GNA14: variants seen among roughly 807,000 people sequenced by gnomAD.
The protein encoded by GNA14 is guanine nucleotide-binding protein subunit alpha-14.
GNA14 carries 50 observed loss-of-function variants against 42.0 expected under a neutral mutation model. The observed-to-expected ratio is 1.19, with a 90% confidence interval of 0.95 to 1.51. GNA14 has a LOEUF of 1.51. Among genes scored for constraint, GNA14 ranks in the 40% most tolerant of loss-of-function variants. The probability of loss-of-function intolerance (pLI) is 0.00; values close to 1 mark genes in which losing one functional copy is unlikely to be tolerated. For missense variants in GNA14, 473 were observed against 446.2 expected, an observed-to-expected ratio of 1.06 and a Z score of -0.54; for synonymous variants, 173 against 163.1, an observed-to-expected ratio of 1.06 and a Z score of -0.46.
chr9:77,531,214 A>T (rs999950740), intron 1 of GNA14, among the ~76,000 whole-genome samples: 1 of 152,212 alleles, frequency 6.6e-6, no homozygotes, highest in African/African-American at 2.4e-5. Flanking sequence ...GCACCCAAAG[A>T]AATGGTCAAT....
At chr9:77,509,632 G>C (rs1021268980) in intron 2 of GNA14, among the ~76,000 whole-genome samples, 1 of 152,202 alleles carries the variant, frequency 6.6e-6, no homozygotes, top group Non-Finnish European at 1.5e-5. Flanking sequence ...TACTGGCAAG[G>C]ATCACCAGTG....
At chr9:77,593,956 G>A (rs573996209) in intron 1 of GNA14, among the ~76,000 whole-genome samples, 1 of 152,320 alleles carries the variant, frequency 6.6e-6, no homozygotes, top group South Asian at 2.1e-4. Context: ...ATTGTACAAT[G>A]AATGGTTCAC....
intron 2 of GNA14, among the ~76,000 whole-genome samples, chr9:77,497,620 G>C (rs932633914): frequency 6.6e-6 from 1 of 151,456 alleles, no homozygotes; most frequent in South Asian, 2.1e-4. Flanking sequence ...CTTCCTGAGC[G>C]TGGAGACCAC....
intron 3 of GNA14, among the ~76,000 whole-genome samples, chr9:77,433,685 A>G (rs531445260): frequency 2.6e-5 from 4 of 152,330 alleles, no homozygotes; most frequent in East Asian, 1.9e-4. Context: ...TGTCATCTCT[A>G]TGGGACAGTT....
chr9:77,641,113 G>A (rs1824259293), intron 1 of GNA14, among the ~76,000 whole-genome samples: 2 of 12,070 alleles, frequency 1.7e-4, no homozygotes, highest in Admixed American at 6.4e-4. Context: ...AGGAAGGAAG[G>A]AAGGAAGGAA....
rs998308242 is a variant in GNA14 at position 77,647,727 on chromosome 9, G to C, written c.67C>G (p.Arg23Gly). The C allele has an allele frequency of 6.2e-7, 1 of 1,609,930 alleles. No individual in the cohort carries two copies. The highest frequency in any genetic ancestry group is 8.5e-7 in the Non-Finnish European group (1 of 1,178,540). ...TCCTTCTTGTCCCGACGAAGCTGTC[G>C]CTCGATCTCCGCGCTGATGCGCTGC... is the stretch of plus-strand genomic sequence containing the variant. ...ESQRISAEIE[R>G]QLRRDKKDAR... The change falls in exon 1 of 7, where the codon CGA becomes GGA. Residue 23 changes from arginine (R) to glycine (G), a missense_variant. Physicochemically the swap from Arg to Gly is moderately radical, Grantham distance 125. Transcript: ENST00000341700.
At chr9:77,555,654 T>C (rs1384827331) in intron 1 of GNA14, among the ~76,000 whole-genome samples, 1 of 152,168 alleles carries the variant, frequency 6.6e-6, no homozygotes, top group Non-Finnish European at 1.5e-5. Context: ...GTTTAAAAAA[T>C]GTCAAAACTA....
In GNA14 at chr9:77,608,732, G is replaced by GTTTTTTTTTT. The variant is rs111701182; in HGVS notation, c.124+38928_124+38937dup. Among the ~76,000 whole-genome samples the GTTTTTTTTTT allele has an allele frequency of 3.5e-3, 423 of 121,072 alleles. 5 individuals are homozygous for GTTTTTTTTTT. Among genetic ancestry groups the GTTTTTTTTTT allele is most frequent in the African/African-American group, 0.012 (403 of 33,774 alleles). The allele number at this position is 121,072 out of a possible 152,430, so 79.4% of individuals were successfully genotyped here. On this transcript the variant is annotated intron_variant, in intron 1 of 6. Transcript: ENST00000341700. ...GACAATGTACGAAGCCCAATATCCT[G>GTTTTTTTTTT]TTTTTTTTTTTTTTTGCTTTTTAAT...
intron 1 of GNA14, among the ~76,000 whole-genome samples, chr9:77,593,580 A>C (rs1823421639): frequency 6.6e-6 from 1 of 152,096 alleles, no homozygotes; most frequent in Non-Finnish European, 1.5e-5. Context: ...AAAGTGCTGG[A>C]ATTACAGGTG....
rs143201020 is a variant in GNA14 at position 77,642,263 on chromosome 9, T to C, written c.124+5407A>G. 2.0e-5 allele frequency among the ~76,000 whole-genome samples: 3 copies of C among 152,330 alleles called. No homozygotes were observed. In the East Asian group the frequency reaches 5.8e-4, roughly 29 times the overall value. On this transcript the variant is annotated intron_variant, in intron 1 of 6. Transcript: ENST00000341700. Reference sequence around the variant, plus strand: ...AAGGGTAGACAGAAGAAGAGGTACGTGCATTTGCCTCTTGAAAGGCCTCAG... The same window carrying C: ...AAGGGTAGACAGAAGAAGAGGTACGCGCATTTGCCTCTTGAAAGGCCTCAG...
chr9:77,609,506 C>G (rs1317389591), intron 1 of GNA14, among the ~76,000 whole-genome samples: 1 of 152,192 alleles, frequency 6.6e-6, no homozygotes, highest in East Asian at 1.9e-4. Flanking sequence ...TTCAAAGCCA[C>G]TTCCACATTT....
At chr9:77,591,815 TC>T (rs1441082294) in intron 1 of GNA14, among the ~76,000 whole-genome samples, 2 of 152,140 alleles carry the variant, frequency 1.3e-5, no homozygotes, top group Non-Finnish European at 2.9e-5. Flanking sequence ...TGACCTGCTT[TC>T]TAGATAGATT....
chr9:77,458,481 C>T (rs1356605088), intron 2 of GNA14, among the ~76,000 whole-genome samples: 1 of 152,060 alleles, frequency 6.6e-6, no homozygotes, highest in Non-Finnish European at 1.5e-5. Flanking sequence ...GCACAGTTAG[C>T]GAAAGTTCCG....
chr9:77,636,920 T>C (rs1353796447), intron 1 of GNA14, among the ~76,000 whole-genome samples: 2 of 152,202 alleles, frequency 1.3e-5, no homozygotes, highest in Non-Finnish European at 2.9e-5. Context: ...TGGCTCTTAC[T>C]AGAATATGGT....
intron 2 of GNA14, among the ~76,000 whole-genome samples, chr9:77,486,558 G>C (rs1211209659): frequency 6.6e-6 from 1 of 152,178 alleles, no homozygotes; most frequent in Non-Finnish European, 1.5e-5. Flanking sequence ...GGCTGTCTCA[G>C]CTTTTTACAT....
intron 1 of GNA14, among the ~76,000 whole-genome samples, chr9:77,612,588 A>T (rs1823751318): frequency 6.6e-6 from 1 of 152,180 alleles, no homozygotes; most frequent in South Asian, 2.1e-4. Flanking sequence ...CCTGCTCAAT[A>T]TCACTAATCA....
At chr9:77,456,714 A>G (rs1836005936) in intron 2 of GNA14, among the ~76,000 whole-genome samples, 1 of 152,234 alleles carries the variant, frequency 6.6e-6, no homozygotes, top group South Asian at 2.1e-4. Flanking sequence ...TTCTGAAGGT[A>G]CATCGCTGAT....
intron 2 of GNA14, among the ~76,000 whole-genome samples, chr9:77,466,391 G>A (rs745378356): frequency 3.3e-5 from 5 of 152,006 alleles, no homozygotes; most frequent in Non-Finnish European, 7.4e-5. Context: ...AATCTACTAC[G>A]GAGCCTTTCT....
At chr9:77,578,588 T>C (rs1823166027) in intron 1 of GNA14, among the ~76,000 whole-genome samples, 1 of 152,130 alleles carries the variant, frequency 6.6e-6, no homozygotes, top group South Asian at 2.1e-4. Context: ...GAGCACCATA[T>C]GTCTTAAAAC....
Sources: gnomAD v4.1 joint callset for allele counts (sites outside exome capture counted in the v4.1 genomes callset) on GRCh38, gnomAD v4.1.1 for gene constraint, MANE v1.5 for transcripts, NCBI Gene and HGNC (gene_info 2026-07-23, HGNC 2026-07-21) for gene names.